Variants in CADPS observed in about 807,000 individuals in gnomAD.
CADPS encodes the protein calcium-dependent secretion activator 1.
Under a neutral mutation model 167.3 loss-of-function variants are expected in CADPS, and 57 were observed. The observed-to-expected ratio is 0.34, with a 90% CI of 0.28 to 0.42. CADPS has a LOEUF of 0.42. Among genes scored for constraint, CADPS ranks in the 20% least tolerant of loss-of-function variants. The pLI, the probability that CADPS is intolerant of heterozygous loss-of-function variation, is 1.00. For missense variants in CADPS, 1,414 were observed against 1,738.1 expected (o/e 0.81, Z 3.32); for synonymous variants, 676 against 635.3 (o/e 1.06, Z -0.96).
chr3:62,415,675 G>A (rs929879740), intron 28 of CADPS, among the ~76,000 whole-genome samples: 2 of 152,148 alleles, frequency 1.3e-5, no homozygotes. Context: ...GCCTTTGCTG[G>A]TAGTTTTTTT....
intron 1 of CADPS, among the ~76,000 whole-genome samples, chr3:62,822,351 A>C (rs1405150876): frequency 6.6e-6 from 1 of 152,148 alleles, no homozygotes; most frequent in Non-Finnish European, 1.5e-5. Flanking sequence ...TTTCCATGTT[A>C]GATTATACAC....
chr3:62,805,344 C>G (rs754517948), intron 1 of CADPS, among the ~76,000 whole-genome samples: 1 of 152,150 alleles, frequency 6.6e-6, no homozygotes, highest in Non-Finnish European at 1.5e-5. Context: ...AGGTATTAAC[C>G]TTATCTCCCT....
At chr3:62,751,003 T>A (rs1319420528) in intron 3 of CADPS, among the ~76,000 whole-genome samples, 1 of 152,294 alleles carries the variant, frequency 6.6e-6, no homozygotes, top group East Asian at 1.9e-4. Context: ...CGTATCTACT[T>A]GTAATGAATT....
intron 3 of CADPS, among the ~76,000 whole-genome samples, chr3:62,683,913 A>G (rs73101843): frequency 0.16 from 24,369 of 152,002 alleles, 2,305 homozygotes; most frequent in Admixed American, 0.25. Flanking sequence ...TCAATATGTC[A>G]TATCAAAGGT....
intron 20 of CADPS, 41 bp downstream of exon 20, chr3:62,492,249 A>C: frequency 2.5e-6 from 4 of 1,570,022 alleles, no homozygotes; most frequent in Non-Finnish European, 3.5e-6. Context: ...GTTTATCTGC[A>C]CACTACTTAG....
At chr3:62,574,270 G>A (rs1202394011) in intron 8 of CADPS, among the ~76,000 whole-genome samples, 1 of 152,168 alleles carries the variant, frequency 6.6e-6, no homozygotes, top group Non-Finnish European at 1.5e-5. Context: ...AAATATGAAT[G>A]GGAAACTATG....
At chr3:62,658,813 G>A (rs1011507826) in intron 4 of CADPS, among the ~76,000 whole-genome samples, 1 of 152,110 alleles carries the variant, frequency 6.6e-6, no homozygotes, top group Admixed American at 6.6e-5. Context: ...CTGCACCAGG[G>A]GTTGGCCCTT....
At chr3:62,530,889 G>T in intron 13 of CADPS, 1 of 700,454 alleles carries the variant, frequency 1.4e-6, no homozygotes, top group Non-Finnish European at 1.8e-6. Flanking sequence ...ACACGCACAT[G>T]CACAAACAAA....
intron 8 of CADPS, 140 bp downstream of exon 8, chr3:62,585,045 T>C: frequency 2.5e-6 from 2 of 802,664 alleles, no homozygotes; most frequent in Non-Finnish European, 3.8e-6. Context: ...ACAGTAAATA[T>C]CAAAGTCGAA....
chr3:62,457,027 C>T (rs561353758), intron 26 of CADPS, among the ~76,000 whole-genome samples: 11 of 152,120 alleles, frequency 7.2e-5, no homozygotes, highest in Admixed American at 2.6e-4. Context: ...AACTTCCAGA[C>T]AGTAGAGTAA....
intron 1 of CADPS, among the ~76,000 whole-genome samples, chr3:62,772,346 A>G (rs181624064): frequency 2.6e-5 from 4 of 152,294 alleles, no homozygotes; most frequent in Admixed American, 2.0e-4. Context: ...ATGGGTGGCC[A>G]TGTAACAGAT....
intron 28 of CADPS, among the ~76,000 whole-genome samples, chr3:62,414,319 CTCCA>C (rs1261441349): frequency 6.6e-6 from 1 of 152,194 alleles, no homozygotes; most frequent in Non-Finnish European, 1.5e-5. Flanking sequence ...GGCAACAGCT[CTCCA>C]TCCAGAATCA....
At position 62,656,477 on chromosome 3, in the gene CADPS, C is replaced by G. The variant is rs576922224; in HGVS notation, c.970-5397G>C. Among the ~76,000 whole-genome samples the G allele has an allele frequency of 8.5e-4, 130 of 152,246 alleles. 2 individuals carry two copies. Among genetic ancestry groups the G allele is most frequent in the African/African-American group, 2.9e-3 (122 of 41,556 alleles). On this transcript the variant is annotated intron_variant, in intron 4 of 29. Coordinates refer to ENST00000383710, the MANE Select transcript of CADPS (RefSeq NM_003716.4). ...CTTGAAACCTAGCAGAGTTTTTGTT[C>G]TTAGCTATGATAGGATAAGGCAGAA...
At chr3:62,587,350 C>T (rs780305052) in intron 7 of CADPS, among the ~76,000 whole-genome samples, 1 of 152,162 alleles carries the variant, frequency 6.6e-6, no homozygotes, top group Non-Finnish European at 1.5e-5. Flanking sequence ...GTTGTGGAGA[C>T]CTCTCCCTTT....
Position 62,478,146 on chromosome 3 carries a change from C to T in CADPS, c.3329+115G>A. The T allele has an allele frequency of 8.6e-7, 1 of 1,162,294 alleles. No individual in the cohort carries two copies. The highest frequency in any genetic ancestry group is 1.2e-6 in the Non-Finnish European group (1 of 806,772). The allele number at this position is 1,162,294 out of a possible 1,614,324, so 72.0% of individuals were successfully genotyped here. A position where few individuals can be genotyped will look rare whatever the true frequency, so the allele number is the denominator to read the frequency against. ...CTCCAGCTGACTTTGACAAGCAATC[C>T]CCTTCTCCAATTAGTTTCAAACTAC... On this transcript the variant is annotated intron_variant, in intron 23 of 29. Coordinates refer to ENST00000383710, the MANE Select transcript of CADPS (RefSeq NM_003716.4). The surrounding 1 kb of genome is among the most constrained non-coding windows in gnomAD (Gnocchi z 5.7).
rs1019041860 is a variant in CADPS, at chr3:62,430,163, T to C, written c.3777+7941A>G. Among the ~76,000 whole-genome samples, 212 of 151,572 alleles carry C rather than the reference T, an allele frequency of 1.4e-3. 3 individuals carry two copies. The highest frequency in any genetic ancestry group is 0.014 in the Admixed American group (211 of 15,260). On this transcript the variant is annotated intron_variant, in intron 28 of 29. Transcript: ENST00000383710. Reference sequence around the variant, plus strand: ...TCCAAATCTGTTAATGCCCCTTATCTTTTTTTGTATGCAGGATTGCTGAAA... The same window carrying C: ...TCCAAATCTGTTAATGCCCCTTATCCTTTTTTGTATGCAGGATTGCTGAAA...
chr3:62,614,537 T>G (rs914415894), intron 6 of CADPS, among the ~76,000 whole-genome samples: 3 of 152,232 alleles, frequency 2.0e-5, no homozygotes, highest in Non-Finnish European at 4.4e-5. Context: ...CTCCTTTATC[T>G]TGTCCCTTGC....
chr3:62,647,306 G>A (rs1335488614), intron 5 of CADPS, among the ~76,000 whole-genome samples: 1 of 152,180 alleles, frequency 6.6e-6, no homozygotes, highest in African/African-American at 2.4e-5. Flanking sequence ...ACAAGTCACA[G>A]TTTTGCTACT....
intron 21 of CADPS, among the ~76,000 whole-genome samples, chr3:62,482,604 G>A (rs2062173577): frequency 6.6e-6 from 1 of 152,178 alleles, no homozygotes; most frequent in Non-Finnish European, 1.5e-5. Flanking sequence ...AGACACCAAG[G>A]AAATGAAAAC....
Sources: allele counts gnomAD v4.1 joint callset (sites outside exome capture counted in the v4.1 genomes callset), GRCh38; gene constraint gnomAD v4.1.1; non-coding constraint Gnocchi (gnomAD v3.1); transcripts MANE v1.5; gene names NCBI Gene and HGNC (gene_info 2026-07-23, HGNC 2026-07-21).